Variants in DNM3 observed in about 807,000 individuals in gnomAD.
DNM3 encodes dynamin-3.
Under a neutral mutation model 101.6 loss-of-function variants are expected in DNM3, and 47 were observed. The observed-to-expected ratio is 0.46, with a 90% CI of 0.37 to 0.59. The LOEUF (loss-of-function observed/expected upper bound fraction) is 0.59, where lower values mean the gene tolerates loss of function less well. Among genes scored for constraint, DNM3 ranks in the 20% least tolerant of loss-of-function variants. The pLI, the probability that DNM3 is intolerant of heterozygous loss-of-function variation, is 0.00. For missense variants in DNM3, 849 were observed against 1,085.7 expected (o/e 0.78, Z 3.06); for synonymous variants, 385 against 387.9 (o/e 0.99, Z 0.09).
chr1:172,367,833 T>C (rs2068101658), intron 17 of DNM3, among the ~76,000 whole-genome samples: 1 of 151,850 alleles, frequency 6.6e-6, no homozygotes, highest in East Asian at 1.9e-4. Context: ...TCATCTTGAA[T>C]TATAGTTCTT....
At chr1:172,010,495 A>G (rs538134579) in intron 4 of DNM3, among the ~76,000 whole-genome samples, 1 of 149,348 alleles carries the variant, frequency 6.7e-6, no homozygotes, top group African/African-American at 2.5e-5. Flanking sequence ...TTTTTTTGTT[A>G]GCACTTTAAA....
intron 13 of DNM3, among the ~76,000 whole-genome samples, chr1:172,105,131 T>C (rs1342317938): frequency 6.6e-6 from 1 of 152,220 alleles, no homozygotes; most frequent in East Asian, 1.9e-4. Flanking sequence ...ATATGAACAG[T>C]CCATACTATC....
At chr1:172,362,876 A>G (rs2067816831) in intron 17 of DNM3, among the ~76,000 whole-genome samples, 1 of 151,710 alleles carries the variant, frequency 6.6e-6, no homozygotes, top group South Asian at 2.1e-4. Flanking sequence ...TTAACCTCTT[A>G]GCAATATCTG....
At chr1:172,183,767 A>ATTTTTTTTT (rs376245976) in intron 14 of DNM3, among the ~76,000 whole-genome samples, 2 of 62,650 alleles carry the variant, frequency 3.2e-5, no homozygotes, top group Non-Finnish European at 6.1e-5. Context: ...TGCCCAGCTA[A>ATTTTTTTTT]TTTTTTTTTT....
At chr1:172,384,974 A>C (rs1457300530) in intron 18 of DNM3, among the ~76,000 whole-genome samples, 2 of 152,182 alleles carry the variant, frequency 1.3e-5, no homozygotes, top group Non-Finnish European at 2.9e-5. Context: ...GGAATGAAAT[A>C]TTCCTAAAGC....
At chr1:172,295,664 ACAGT>A (rs1372179419) in intron 15 of DNM3, among the ~76,000 whole-genome samples, 1 of 152,186 alleles carries the variant, frequency 6.6e-6, no homozygotes, top group African/African-American at 2.4e-5. Flanking sequence ...AACAAAAGAA[ACAGT>A]CAGCATTTAA....
chr1:171,842,807 A>G (rs955225135), intron 1 of DNM3, among the ~76,000 whole-genome samples: 1 of 152,240 alleles, frequency 6.6e-6, no homozygotes, highest in Non-Finnish European at 1.5e-5. Flanking sequence ...TCTTCCACTG[A>G]GCAATTCATG....
chr1:172,113,580 A>AT (rs1354133823), intron 13 of DNM3, among the ~76,000 whole-genome samples: 1 of 131,980 alleles, frequency 7.6e-6, no homozygotes, highest in African/African-American at 2.8e-5. Flanking sequence ...AGATTGCACC[A>AT]TTGCACTCCA....
At chr1:172,051,302 C>T (rs914038808) in intron 10 of DNM3, among the ~76,000 whole-genome samples, 3 of 152,150 alleles carry the variant, frequency 2.0e-5, no homozygotes, top group African/African-American at 4.8e-5. Flanking sequence ...CTTATATTCA[C>T]TGTCACCACC....
chr1:172,049,138 C>T (rs956884848), intron 10 of DNM3, among the ~76,000 whole-genome samples: 2 of 152,062 alleles, frequency 1.3e-5, no homozygotes, highest in African/African-American at 4.8e-5. Flanking sequence ...TTCTAAATTG[C>T]AAATATGTAT....
At chr1:171,893,000 C>T (rs1230433593) in intron 1 of DNM3, among the ~76,000 whole-genome samples, 2 of 151,922 alleles carry the variant, frequency 1.3e-5, no homozygotes, top group Non-Finnish European at 2.9e-5. Context: ...TGGTCTGTGG[C>T]GCAAGAGTTG....
At chr1:172,181,871 G>C (rs2059360459) in intron 14 of DNM3, among the ~76,000 whole-genome samples, 1 of 148,836 alleles carries the variant, frequency 6.7e-6, no homozygotes, top group Non-Finnish European at 1.5e-5. Flanking sequence ...GACTAAAACT[G>C]AATAAGCAAG....
At chr1:171,900,552 T>C (rs1223897902) in intron 1 of DNM3, among the ~76,000 whole-genome samples, 1 of 152,064 alleles carries the variant, frequency 6.6e-6, no homozygotes, top group East Asian at 1.9e-4. Context: ...AATGAGGCCA[T>C]TGGTGATCTT....
chr1:172,036,780 C>A (rs1168092013), intron 6 of DNM3, among the ~76,000 whole-genome samples: 1 of 151,848 alleles, frequency 6.6e-6, no homozygotes, highest in Non-Finnish European at 1.5e-5. Flanking sequence ...GCAACAAAAG[C>A]CAAAATTGAC....
chr1:172,225,763 A>T (rs2061094306), intron 14 of DNM3, among the ~76,000 whole-genome samples: 1 of 152,034 alleles, frequency 6.6e-6, no homozygotes, highest in African/African-American at 2.4e-5. Context: ...AAAAATAAAT[A>T]TAAAAAATTC....
intron 4 of DNM3, among the ~76,000 whole-genome samples, chr1:172,016,884 C>A (rs1047494502): frequency 2.0e-5 from 3 of 151,880 alleles, no homozygotes; most frequent in South Asian, 2.1e-4. Context: ...TGAAAAAAAA[C>A]CATCTTAATC....
In DNM3 at chr1:172,092,136, T is replaced by C. The variant is rs74123795; in HGVS notation, c.1494-688T>C. ...TTTAGTTTTGAAATATTAAGAATGATATGCCCATTAAATACCCAAGTGATG... is the reference window on the plus strand; with the variant it reads ...TTTAGTTTTGAAATATTAAGAATGACATGCCCATTAAATACCCAAGTGATG... On this transcript the variant is annotated intron_variant, in intron 12 of 20. Transcript: ENST00000627582. 2.0e-3 allele frequency among the ~76,000 whole-genome samples: 306 copies of C among 152,240 alleles called. 5 individuals are homozygous for C. The highest frequency in any genetic ancestry group is 6.5e-3 in the African/African-American group (272 of 41,546).
intron 2 of DNM3, among the ~76,000 whole-genome samples, chr1:171,973,411 T>A (rs962004490): frequency 6.6e-6 from 1 of 152,224 alleles, no homozygotes; most frequent in Admixed American, 6.5e-5. Flanking sequence ...TCTTTTTTTT[T>A]AATTAAGGGT....
At chr1:172,412,785 A>T, downstream of DNM3, 1 of 953,906 alleles carries the variant, frequency 1.0e-6, no homozygotes, top group Non-Finnish European at 1.2e-6. Flanking sequence ...TGAGACTTCT[A>T]AATATTTATA....
Sources: allele counts gnomAD v4.1 joint callset (sites outside exome capture counted in the v4.1 genomes callset), GRCh38; gene constraint gnomAD v4.1.1; transcripts MANE v1.5; gene names NCBI Gene and HGNC (gene_info 2026-07-23, HGNC 2026-07-21).